NEK11: variants seen among roughly 807,000 people sequenced by gnomAD.
NEK11 encodes the protein NIMA related kinase 11, also known as serine/threonine-protein kinase Nek11.
Under a neutral mutation model 80.7 loss-of-function variants are expected in NEK11, and 72 were observed. That is an observed-to-expected ratio of 0.89 (90% CI 0.74 to 1.08). NEK11 has a LOEUF of 1.08. NEK11 is among the 50% of genes least tolerant of loss of function. NEK11 has a pLI of 0.00. For synonymous variants in NEK11, 251 were observed against 260.7 expected (o/e 0.96, Z 0.36); for missense variants, 764 against 763.6 (o/e 1.00, Z -0.01).
At chr3:131,164,547 T>A (rs943372421) in intron 11 of NEK11, among the ~76,000 whole-genome samples, 2 of 152,216 alleles carry the variant, frequency 1.3e-5, no homozygotes, top group Non-Finnish European at 2.9e-5. Context: ...ATTAAATCTC[T>A]GATAGGAACA....
At chr3:131,176,065 G>A (rs914951188) in intron 14 of NEK11, among the ~76,000 whole-genome samples, 1 of 152,174 alleles carries the variant, frequency 6.6e-6, no homozygotes, top group Non-Finnish European at 1.5e-5. Context: ...TTGGAGATAA[G>A]GGACAGGGAT....
chr3:131,106,261 A>G (rs1330866888), intron 4 of NEK11, among the ~76,000 whole-genome samples: 1 of 149,300 alleles, frequency 6.7e-6, no homozygotes, highest in Admixed American at 6.7e-5. Context: ...AGAGGAAACA[A>G]ATTTTTATTT....
intron 14 of NEK11, among the ~76,000 whole-genome samples, chr3:131,197,489 A>T (rs1440060349): frequency 6.6e-6 from 1 of 152,136 alleles, no homozygotes; most frequent in East Asian, 1.9e-4. Flanking sequence ...AGATACAGGG[A>T]TTGAAATGTA....
At chr3:131,250,472 C>A (rs2095680292) in intron 16 of NEK11, among the ~76,000 whole-genome samples, 1 of 152,084 alleles carries the variant, frequency 6.6e-6, no homozygotes, top group South Asian at 2.1e-4. Flanking sequence ...CATCCAATAT[C>A]AAAAATGAGG....
rs1268404946 is a variant in NEK11, at chr3:131,131,933, TTTCTC to T, written c.456-809_456-805del. On this transcript the variant is annotated intron_variant, in intron 5 of 17. Coordinates refer to ENST00000383366, the MANE Select transcript of NEK11 (RefSeq NM_024800.5). Reference sequence around the variant, plus strand: ...TCATTTAGTTCAAAATATTTTAAAATTTCTCTTGAGATTTCTTCTTCATTGTTTAG... The same window carrying T: ...TCATTTAGTTCAAAATATTTTAAAATTTGAGATTTCTTCTTCATTGTTTAG... Among the ~76,000 whole-genome samples the T allele has an allele frequency of 2.0e-5, 3 of 152,126 alleles. No homozygotes were observed. The East Asian group carries it at 5.8e-4, about 29-fold the overall frequency.
intron 6 of NEK11, 40 bp from the exon 7 acceptor site, chr3:131,133,790 T>C (rs1042444782): frequency 3.8e-6 from 6 of 1,566,164 alleles, no homozygotes; most frequent in Non-Finnish European, 4.4e-6. Flanking sequence ...TAATTTTTCG[T>C]TGGCTTAAAG....
At chr3:131,153,401 A>G (rs1486317102) in intron 9 of NEK11, among the ~76,000 whole-genome samples, 2 of 152,160 alleles carry the variant, frequency 1.3e-5, no homozygotes, top group Non-Finnish European at 2.9e-5. Flanking sequence ...ATGATTAGCT[A>G]GGTTTATTTT....
chr3:131,049,480 C>T (rs967849061), intron 3 of NEK11, among the ~76,000 whole-genome samples: 1 of 152,126 alleles, frequency 6.6e-6, no homozygotes, highest in Non-Finnish European at 1.5e-5. Flanking sequence ...TTTTGGGACT[C>T]TTCTTGCTTT....
At chr3:131,146,206 G>T (rs2088215193) in intron 7 of NEK11, among the ~76,000 whole-genome samples, 1 of 152,070 alleles carries the variant, frequency 6.6e-6, no homozygotes, top group South Asian at 2.1e-4. Flanking sequence ...GTGTGTAGGT[G>T]CTGAGTGATT....
At chr3:131,234,671 T>TTC (rs1373139547) in intron 15 of NEK11, among the ~76,000 whole-genome samples, 3 of 151,962 alleles carry the variant, frequency 2.0e-5, no homozygotes, top group Non-Finnish European at 4.4e-5. Flanking sequence ...TTCTTCCCCC[T>TTC]TCTCTCTCTC....
intron 4 of NEK11, among the ~76,000 whole-genome samples, chr3:131,081,961 T>C (rs1393094345): frequency 2.0e-5 from 3 of 152,236 alleles, no homozygotes; most frequent in Non-Finnish European, 4.4e-5. Flanking sequence ...AGTTAAAATA[T>C]CTGAACAAGT....
chr3:131,152,771 C>A (rs1221801030), intron 9 of NEK11, 62 bp downstream of exon 9: 5 of 1,163,658 alleles, frequency 4.3e-6, no homozygotes, highest in East Asian at 4.7e-5. Context: ...CATTCCATGA[C>A]TTGAAGATAT....
At chr3:131,214,423 T>C (rs2094744877) in intron 14 of NEK11, among the ~76,000 whole-genome samples, 1 of 152,172 alleles carries the variant, frequency 6.6e-6, no homozygotes, top group Non-Finnish European at 1.5e-5. Flanking sequence ...TTTCAGAGTC[T>C]CTGTGAAGTC....
chr3:131,176,997 AG>A (rs1308757212), intron 14 of NEK11, among the ~76,000 whole-genome samples: 2 of 152,240 alleles, frequency 1.3e-5, no homozygotes, highest in Non-Finnish European at 2.9e-5. Flanking sequence ...TATCAATCAT[AG>A]CTTTAAGGTT....
Position 131,132,775 on chromosome 3 carries a change from G to GA in NEK11, c.488dup (p.Asn163LysfsTer7), listed in dbSNP as rs2084750865. The GA allele has an allele frequency of 6.5e-7, 1 of 1,535,564 alleles. No homozygotes were observed. The highest frequency in any genetic ancestry group is 8.9e-7 in the Non-Finnish European group (1 of 1,128,012). Reference sequence around the variant, plus strand: ...TACTTCATCGAGACTTAAAGTCAAAGAATGTATTTCTGAAAAATAATCTCC... The same window carrying GA: ...TACTTCATCGAGACTTAAAGTCAAAGAAATGTATTTCTGAAAAATAATCTCC... On this transcript the variant is annotated frameshift_variant, in exon 6 of 18. Transcript: ENST00000383366. LOFTEE classifies it high-confidence loss of function.
intron 3 of NEK11, among the ~76,000 whole-genome samples, chr3:131,045,105 ACACAGCTAGGG>A (rs1267557465): frequency 1.2e-4 from 18 of 152,226 alleles, no homozygotes; most frequent in Non-Finnish European, 2.5e-4. Flanking sequence ...AATCTCTGGG[ACACAGCTAGGG>A]CAGTGTTTAG....
At chr3:131,234,722 A>G (rs1219112456) in intron 15 of NEK11, among the ~76,000 whole-genome samples, 1 of 151,158 alleles carries the variant, frequency 6.6e-6, no homozygotes, top group South Asian at 2.1e-4. Context: ...ATTGCTAGTC[A>G]TATTAGGACC....
intron 16 of NEK11, among the ~76,000 whole-genome samples, chr3:131,250,677 C>T (rs967784089): frequency 2.6e-5 from 4 of 152,044 alleles, no homozygotes; most frequent in African/African-American, 7.2e-5. Context: ...GGCAACAGGC[C>T]TGGGAAATAA....
intron 4 of NEK11, chr3:131,088,203 T>C (rs549619130): frequency 2.6e-5 from 4 of 152,302 alleles, no homozygotes; most frequent in African/African-American, 4.8e-5. Context: ...TTTTGTCCAG[T>C]TGGGGAAGGC....
Sources: gnomAD v4.1 joint callset for allele counts (sites outside exome capture counted in the v4.1 genomes callset) on GRCh38, gnomAD v4.1.1 for gene constraint, MANE v1.5 for transcripts, NCBI Gene and HGNC (gene_info 2026-07-23, HGNC 2026-07-21) for gene names.